CSMD1: variants seen among roughly 807,000 people sequenced by gnomAD.
CSMD1 encodes the protein CUB and Sushi multiple domains 1, also known as CUB and sushi domain-containing protein 1.
Under a neutral mutation model 417.5 loss-of-function variants are expected in CSMD1, and 213 were observed. That is an observed-to-expected ratio of 0.51 (90% confidence interval 0.46 to 0.57). CSMD1 has a LOEUF of 0.57. CSMD1 is among the 20% of genes least tolerant of loss of function. CSMD1 has a pLI of 0.00. For missense variants in CSMD1, 6,923 were observed against 4,529.7 expected (o/e 1.53, Z -15.17); for synonymous variants, 2,862 against 1,736.8 (o/e 1.65, Z -16.11).
At chr8:3,531,306 T>C (rs1797970686) in intron 10 of CSMD1, among the ~76,000 whole-genome samples, 1 of 152,244 alleles carries the variant, frequency 6.6e-6, no homozygotes, top group Non-Finnish European at 1.5e-5. Context: ...GTGTGAGTAC[T>C]AGTAATCAAA....
chr8:3,373,739 C>G (rs910812972), intron 18 of CSMD1: 1 of 152,118 alleles, frequency 6.6e-6, no homozygotes, highest in Non-Finnish European at 1.5e-5. Context: ...CTGTAAAAGA[C>G]ACAGTAAAAT....
chr8:4,064,560 C>T (rs1799145467), intron 3 of CSMD1, among the ~76,000 whole-genome samples: 1 of 152,216 alleles, frequency 6.6e-6, no homozygotes, highest in African/African-American at 2.4e-5. Context: ...TGTCAACACA[C>T]AGCTCCTACT....
At chr8:3,670,898 T>C (rs918211243) in intron 7 of CSMD1, among the ~76,000 whole-genome samples, 8 of 149,296 alleles carry the variant, frequency 5.4e-5, no homozygotes, top group Admixed American at 2.0e-4. Context: ...ATGTATGTGA[T>C]ATATATGTAT....
intron 49 of CSMD1, among the ~76,000 whole-genome samples, chr8:3,084,190 G>T (rs577151000): frequency 6.6e-6 from 1 of 152,232 alleles, no homozygotes; most frequent in East Asian, 1.9e-4. Context: ...AGGCCAAAGT[G>T]TTTCTACAAC....
intron 3 of CSMD1, among the ~76,000 whole-genome samples, chr8:4,188,852 T>C (rs773958623): frequency 5.3e-5 from 8 of 150,690 alleles, no homozygotes; most frequent in Non-Finnish European, 1.0e-4. Context: ...AAAAACGAAA[T>C]GTTTCTGCAT....
intron 1 of CSMD1, among the ~76,000 whole-genome samples, chr8:4,707,642 T>A (rs1372498162): frequency 6.6e-6 from 1 of 151,912 alleles, no homozygotes; most frequent in Non-Finnish European, 1.5e-5. Flanking sequence ...ATCCCAGCAC[T>A]TTGGGAGGCC....
chr8:4,047,508 A>T (rs1306755849), intron 3 of CSMD1, among the ~76,000 whole-genome samples: 1 of 147,304 alleles, frequency 6.8e-6, no homozygotes, highest in Non-Finnish European at 1.5e-5. Context: ...GGAAGGCAAC[A>T]TTGTGATATG....
At chr8:4,898,769 G>A (rs925804595) in intron 1 of CSMD1, among the ~76,000 whole-genome samples, 7 of 150,430 alleles carry the variant, frequency 4.7e-5, no homozygotes, top group African/African-American at 9.6e-5. Context: ...CGTTGGAAGC[G>A]GGGGGAAGTG....
At chr8:4,475,220 G>C (rs971693217) in intron 2 of CSMD1, among the ~76,000 whole-genome samples, 1 of 152,086 alleles carries the variant, frequency 6.6e-6, no homozygotes, top group African/African-American at 2.4e-5. Context: ...GTTGTGGATG[G>C]CATTCAATAC....
At chr8:3,890,475 G>C (rs892961492) in intron 5 of CSMD1, among the ~76,000 whole-genome samples, 18 of 151,886 alleles carry the variant, frequency 1.2e-4, no homozygotes, top group Admixed American at 7.9e-4. Context: ...AGTGAGGGAA[G>C]TTTTGAAAAT....
At chr8:4,342,965 A>G (rs930375002) in intron 3 of CSMD1, among the ~76,000 whole-genome samples, 4 of 152,092 alleles carry the variant, frequency 2.6e-5, no homozygotes, top group African/African-American at 9.7e-5. Context: ...TGACAGGTAG[A>G]TGTCAGGTAG....
chr8:4,623,655 G>T (rs1406045329), intron 2 of CSMD1, among the ~76,000 whole-genome samples: 2 of 152,074 alleles, frequency 1.3e-5, no homozygotes, highest in Non-Finnish European at 2.9e-5. Flanking sequence ...CATAAAAAAT[G>T]TACCATTTTT....
At chr8:4,234,322 G>C (rs893805309) in intron 3 of CSMD1, among the ~76,000 whole-genome samples, 1 of 152,160 alleles carries the variant, frequency 6.6e-6, no homozygotes, top group Non-Finnish European at 1.5e-5. Context: ...GCAGACACAA[G>C]TTTAGAAATG....
intron 2 of CSMD1, among the ~76,000 whole-genome samples, chr8:4,518,533 G>A (rs62479720): frequency 0.076 from 11,372 of 149,352 alleles, 508 homozygotes; most frequent in Middle Eastern, 0.12. Context: ...ACCAAACACC[G>A]CGTGCTCTCA....
chr8:3,502,529 C>T (rs1233849323), intron 10 of CSMD1, among the ~76,000 whole-genome samples: 1 of 151,942 alleles, frequency 6.6e-6, no homozygotes, highest in African/African-American at 2.4e-5. Context: ...TTATTCAGGG[C>T]TAAAAGGAAA....
intron 10 of CSMD1, among the ~76,000 whole-genome samples, chr8:3,563,856 T>C (rs2116877502): frequency 6.6e-6 from 1 of 152,222 alleles, no homozygotes; most frequent in African/African-American, 2.4e-5. Flanking sequence ...GCCATCGCAC[T>C]CCAGCCTAGG....
intron 3 of CSMD1, among the ~76,000 whole-genome samples, chr8:4,207,125 A>C (rs1000745271): frequency 6.6e-6 from 1 of 152,226 alleles, no homozygotes; most frequent in Non-Finnish European, 1.5e-5. Flanking sequence ...AGTCTTAAAA[A>C]TAGGACAGTT....
intron 5 of CSMD1, among the ~76,000 whole-genome samples, chr8:3,885,181 G>A (rs1005098610): frequency 2.5e-4 from 38 of 152,114 alleles, no homozygotes; most frequent in African/African-American, 9.2e-4. Context: ...TTTATTAAGA[G>A]ACATTCACAG....
chr8:4,171,072 C>T (rs1001676376), intron 3 of CSMD1, among the ~76,000 whole-genome samples: 1 of 151,978 alleles, frequency 6.6e-6, no homozygotes, highest in Admixed American at 6.5e-5. Flanking sequence ...GTGTTCCCCT[C>T]CACGGTGCTT....
Sources: gnomAD v4.1 joint callset for allele counts (sites outside exome capture counted in the v4.1 genomes callset) on GRCh38, gnomAD v4.1.1 for gene constraint, MANE v1.5 for transcripts, NCBI Gene and HGNC (gene_info 2026-07-23, HGNC 2026-07-21) for gene names.